Variants in NUB1 observed in about 807,000 individuals in gnomAD.
NUB1 encodes the protein negative regulator of ubiquitin like proteins 1.
A neutral mutation model predicts 77.1 loss-of-function variants in NUB1; 41 were observed. The observed-to-expected ratio is 0.53, with a 90% confidence interval of 0.41 to 0.69. The LOEUF (loss-of-function observed/expected upper bound fraction) is 0.69. Ranked by LOEUF, NUB1 falls within the 30% of genes least tolerant of loss-of-function variation. The probability of loss-of-function intolerance (pLI) is 0.00; values close to 1 mark genes in which losing one functional copy is unlikely to be tolerated. For synonymous variants in NUB1, 257 were observed against 281.0 expected, an observed-to-expected ratio of 0.91 and a Z score of 0.85; for missense variants, 643 against 743.8, an observed-to-expected ratio of 0.86 and a Z score of 1.58.
chr7:151,344,741 C>T (rs1796399693), intron 1 of NUB1, among the ~76,000 whole-genome samples: 1 of 152,148 alleles, frequency 6.6e-6, no homozygotes, highest in Non-Finnish European at 1.5e-5. Context: ...CAAGCTCACG[C>T]CTGTAATCCC....
intron 7 of NUB1, among the ~76,000 whole-genome samples, chr7:151,358,493 G>A (rs557493128): frequency 6.6e-5 from 10 of 152,292 alleles, no homozygotes; most frequent in Middle Eastern, 3.4e-3. Flanking sequence ...GATCAGCGGC[G>A]GCATTAGAGT....
At chr7:151,345,158 A>G (rs1350801260) in intron 1 of NUB1, among the ~76,000 whole-genome samples, 190 bp from the exon 2 acceptor site, 3 of 151,766 alleles carry the variant, frequency 2.0e-5, no homozygotes, top group African/African-American at 4.8e-5. Context: ...TATGTAATAT[A>G]TATAATTGAA....
chr7:151,376,831 G>C lies in NUB1; in HGVS notation c.1669+20G>C, dbSNP rs758922717. 1.3e-6 allele frequency: 2 copies of C among 1,558,132 alleles called. No homozygotes were observed. Among genetic ancestry groups the C allele is most frequent in the South Asian group, 2.4e-5 (2 of 84,874 alleles). ...CCGCAGGTAGGTCTGAGGTCTTTGA[G>C]GGCCGCATTGAGAGCAAAGTGTCTT... On this transcript the variant is annotated intron_variant, in intron 14 of 14. Coordinates refer to ENST00000568733, the MANE Select transcript of NUB1 (RefSeq NM_001243351.2).
rs1798398018 is a variant in NUB1 at position 151,378,204 on chromosome 7, C to T, written c.*979C>T. ...TGTAGATGTGTGCCCAGTGGGAGTTCCTTCCAGCCCCAGGACCACAGCAGC... is the reference window on the plus strand; with the variant it reads ...TGTAGATGTGTGCCCAGTGGGAGTTTCTTCCAGCCCCAGGACCACAGCAGC... On this transcript the variant is annotated 3_prime_UTR_variant, in exon 15 of 15. Coordinates refer to ENST00000568733, the MANE Select transcript of NUB1 (RefSeq NM_001243351.2). The T allele has an allele frequency of 6.6e-6, 1 of 152,216 alleles. No homozygotes were observed. The highest frequency in any genetic ancestry group is 2.1e-4 in the South Asian group (1 of 4,836). The allele number at this position is 152,216 out of a possible 1,614,324, so 9.4% of individuals were successfully genotyped here. A position where few individuals can be genotyped will look rare whatever the true frequency, so the allele number is the denominator to read the frequency against.
At chr7:151,374,438 T>G (rs1417855040) in intron 12 of NUB1, 195 bp downstream of exon 12, 13 of 714,830 alleles carry the variant, frequency 1.8e-5, no homozygotes, top group Middle Eastern at 3.3e-4. Context: ...CCATGCTCAG[T>G]GCTTGGCCCA....
intron 5 of NUB1, among the ~76,000 whole-genome samples, chr7:151,354,220 G>A (rs1205645656): frequency 6.6e-6 from 1 of 151,808 alleles, no homozygotes; most frequent in African/African-American, 2.4e-5. Context: ...TTTTTGGGGG[G>A]CCCTGTTCCT....
intron 8 of NUB1, among the ~76,000 whole-genome samples, chr7:151,364,732 T>C (rs1009089016): frequency 2.6e-5 from 4 of 152,110 alleles, no homozygotes; most frequent in Admixed American, 2.6e-4. Context: ...GCCAGGCTGG[T>C]CTTGACCCTC....
intron 13 of NUB1, chr7:151,376,296 C>T: frequency 2.1e-6 from 1 of 476,200 alleles, no homozygotes; most frequent in South Asian, 2.4e-5. Flanking sequence ...ACGGCTCTGT[C>T]CACATTTGTG....
intron 12 of NUB1, 135 bp from the exon 13 acceptor site, chr7:151,375,713 G>C (rs1424637435): frequency 3.1e-6 from 2 of 637,172 alleles, no homozygotes; most frequent in Non-Finnish European, 5.9e-6. Context: ...ACACCAGCCT[G>C]AGTGGGAGCC....
intron 8 of NUB1, among the ~76,000 whole-genome samples, chr7:151,362,404 C>A (rs79550186): frequency 0.034 from 5,127 of 152,246 alleles, 125 homozygotes; most frequent in Non-Finnish European, 0.052. Context: ...TTTTCCATTT[C>A]CTTTTCCATT....
intron 8 of NUB1, among the ~76,000 whole-genome samples, chr7:151,361,773 G>T (rs1797392436): frequency 6.6e-6 from 1 of 152,100 alleles, no homozygotes; most frequent in Non-Finnish European, 1.5e-5. Flanking sequence ...GAGGGGCCGG[G>T]CTGGGAATAG....
intron 11 of NUB1, among the ~76,000 whole-genome samples, chr7:151,373,150 G>A (rs1237353267): frequency 6.6e-6 from 1 of 152,184 alleles, no homozygotes; most frequent in Non-Finnish European, 1.5e-5. Flanking sequence ...TCTCTGGAAG[G>A]AAGGAGTCTG....
chr7:151,355,609 G>C (rs960683565), intron 5 of NUB1, among the ~76,000 whole-genome samples, 159 bp from the exon 6 acceptor site: 2 of 152,198 alleles, frequency 1.3e-5, no homozygotes, highest in Admixed American at 6.5e-5. Flanking sequence ...GGAGATGAAG[G>C]CTGTGGGGAG....
At chr7:151,367,769 C>A in intron 9 of NUB1, 92 bp from the exon 10 acceptor site, 1 of 804,666 alleles carries the variant, frequency 1.2e-6, no homozygotes, top group Non-Finnish European at 2.0e-6. Context: ...CATGTTGCCC[C>A]TCTGGAGACC....
chr7:151,367,681 A>G (rs1369070542), intron 9 of NUB1, among the ~76,000 whole-genome samples, 180 bp from the exon 10 acceptor site: 1 of 152,180 alleles, frequency 6.6e-6, no homozygotes, highest in Non-Finnish European at 1.5e-5. Flanking sequence ...GAATGTTATC[A>G]TACCACAGGG....
intron 1 of NUB1, among the ~76,000 whole-genome samples, chr7:151,344,031 A>G (rs1796339505): frequency 6.6e-6 from 1 of 151,186 alleles, no homozygotes; most frequent in African/African-American, 2.4e-5. Context: ...AATACAAAAA[A>G]TCAGCCGGGC....
At position 151,368,867 on chromosome 7, in the gene NUB1, C is replaced by T; in HGVS notation, c.1228C>T (p.His410Tyr). 1 of 1,613,520 alleles carries T rather than the reference C, an allele frequency of 6.2e-7. No individual in the cohort carries two copies. Among genetic ancestry groups the T allele is most frequent in the Non-Finnish European group, 8.5e-7 (1 of 1,179,726 alleles). The change falls in exon 11 of 15, where the codon CAT (histidine) becomes TAT (tyrosine). Residue 410 changes from histidine to tyrosine, a missense_variant. His to Tyr is a moderately conservative substitution (Grantham distance 83). Coordinates refer to ENST00000568733, the MANE Select transcript of NUB1 (RefSeq NM_001243351.2). ...CDGNVDHAAT[H>Y]ITNRREELAQ... is the part of the protein sequence containing the mutation. ...TGGGAACGTGGATCATGCGGCCACTCATATTACCAACCGCAGAGAGGTACC... is the reference window on the plus strand; with the variant it reads ...TGGGAACGTGGATCATGCGGCCACTTATATTACCAACCGCAGAGAGGTACC...
At chr7:151,356,291 G>C in intron 7 of NUB1, 69 bp downstream of exon 7, 1 of 1,108,192 alleles carries the variant, frequency 9.0e-7, no homozygotes, top group Non-Finnish European at 1.4e-6. Flanking sequence ...TTTTTTAGTT[G>C]CTTTATGTTG....
intron 1 of NUB1, among the ~76,000 whole-genome samples, chr7:151,344,971 G>A (rs988190481): frequency 1.3e-5 from 2 of 152,186 alleles, no homozygotes; most frequent in African/African-American, 2.4e-5. Context: ...CTGCACTCCA[G>A]CCTGGGCGAC....
Sources: gnomAD v4.1 joint callset for allele counts (sites outside exome capture counted in the v4.1 genomes callset) on GRCh38, gnomAD v4.1.1 for gene constraint, MANE v1.5 for transcripts, NCBI Gene and HGNC (gene_info 2026-07-23, HGNC 2026-07-21) for gene names.